Variants in MOB3B observed in about 807,000 individuals in gnomAD.
MOB3B encodes the protein MOB kinase activator-like 2B.
In MOB3B, 7 loss-of-function variants were observed where a neutral mutation model predicts 18.7. That is an observed-to-expected ratio of 0.37 (90% CI 0.21 to 0.70). The LOEUF (loss-of-function observed/expected upper bound fraction) is 0.70, where lower values mean the gene tolerates loss of function less well. MOB3B is among the 30% of genes least tolerant of loss of function. MOB3B has a pLI of 0.52. For synonymous variants in MOB3B, 111 were observed against 99.9 expected (o/e 1.11, Z -0.66); for missense variants, 253 against 281.3 (o/e 0.90, Z 0.72).
intron 1 of MOB3B, among the ~76,000 whole-genome samples, chr9:27,516,645 T>C (rs1587272871): frequency 6.6e-6 from 1 of 152,144 alleles, no homozygotes; most frequent in African/African-American, 2.4e-5. Flanking sequence ...AAAAACTAAT[T>C]ATCCTTATGC....
intron 1 of MOB3B, among the ~76,000 whole-genome samples, chr9:27,499,500 A>C (rs1819955093): frequency 6.6e-6 from 1 of 152,238 alleles, no homozygotes; most frequent in Admixed American, 6.5e-5. Context: ...TCTGTTTTTA[A>C]CAACTGGAAT....
chr9:27,437,707 G>C (rs1822532651), intron 2 of MOB3B, among the ~76,000 whole-genome samples: 1 of 152,220 alleles, frequency 6.6e-6, no homozygotes, highest in Non-Finnish European at 1.5e-5. Flanking sequence ...TTTATGAGCA[G>C]TGAGCTATAC....
chr9:27,348,946 A>G lies in MOB3B; in HGVS notation c.621+10088T>C, dbSNP rs191342096. ...GATGAGCAGGACTTAAGCTGAGGAC[A>G]TGGAAGCCAAAGGAGTTGTACATAC... is the stretch of plus-strand genomic sequence containing the variant. On this transcript the variant is annotated intron_variant, in intron 3 of 3. Transcript: ENST00000262244. 1.5e-3 allele frequency among the ~76,000 whole-genome samples: 232 copies of G among 152,370 alleles called. 1 individual carries two copies. Among genetic ancestry groups the G allele is most frequent in the African/African-American group, 5.4e-3 (225 of 41,588 alleles).
chr9:27,341,657 C>T (rs756427014), intron 3 of MOB3B, among the ~76,000 whole-genome samples: 7 of 152,198 alleles, frequency 4.6e-5, no homozygotes, highest in South Asian at 2.1e-4. Context: ...AATTTGGTCT[C>T]GTGAGAGCCT....
chr9:27,475,852 T>A (rs1414374732), intron 1 of MOB3B, among the ~76,000 whole-genome samples: 3 of 152,184 alleles, frequency 2.0e-5, no homozygotes, highest in Non-Finnish European at 2.9e-5. Context: ...CACCAGATTC[T>A]CTCTCTTTAC....
chr9:27,403,767 T>C (rs1821922796), intron 2 of MOB3B, among the ~76,000 whole-genome samples: 1 of 152,048 alleles, frequency 6.6e-6, no homozygotes, highest in Admixed American at 6.6e-5. Context: ...GTGTGAGCCA[T>C]TATGCCTGGC....
chr9:27,384,432 T>G (rs1438339372), intron 2 of MOB3B, among the ~76,000 whole-genome samples: 4 of 152,150 alleles, frequency 2.6e-5, no homozygotes, highest in Non-Finnish European at 5.9e-5. Context: ...CAGAGCTCAG[T>G]AATTCAAACA....
At chr9:27,483,850 G>A (rs894558836) in intron 1 of MOB3B, among the ~76,000 whole-genome samples, 1 of 152,158 alleles carries the variant, frequency 6.6e-6, no homozygotes, top group East Asian at 1.9e-4. Context: ...ATGGCAGAGG[G>A]TGTGTCACAG....
chr9:27,524,520 G>T (rs778095660), intron 1 of MOB3B: 17 of 1,613,988 alleles, frequency 1.1e-5, no homozygotes, highest in Non-Finnish European at 1.4e-5. Context: ...ATGTCTACGA[G>T]AAAACATAGC....
intron 2 of MOB3B, among the ~76,000 whole-genome samples, chr9:27,359,802 G>A (rs1270254130): frequency 1.3e-5 from 2 of 152,156 alleles, no homozygotes; most frequent in African/African-American, 4.8e-5. Context: ...AAGGGTGAGT[G>A]GTCATCGAAG....
chr9:27,395,052 G>A (rs1438774190), intron 2 of MOB3B, among the ~76,000 whole-genome samples: 4 of 152,158 alleles, frequency 2.6e-5, no homozygotes, highest in African/African-American at 9.7e-5. Context: ...CTTGGCTTAG[G>A]ATAAAAAATT....
intron 1 of MOB3B, among the ~76,000 whole-genome samples, chr9:27,528,060 G>A (rs750503883): frequency 1.3e-5 from 2 of 152,174 alleles, no homozygotes; most frequent in African/African-American, 4.8e-5. Flanking sequence ...TTTCTACAAT[G>A]AAGAAAGGGG....
At chr9:27,524,431 T>C (rs1327291019) in intron 1 of MOB3B, 1 of 1,614,130 alleles carries the variant, frequency 6.2e-7, no homozygotes, top group Non-Finnish European at 8.5e-7. Flanking sequence ...GACTGTAACT[T>C]ACTGAACGTT....
chr9:27,462,270 T>A (rs1819305329), intron 1 of MOB3B, among the ~76,000 whole-genome samples: 1 of 152,194 alleles, frequency 6.6e-6, no homozygotes. Context: ...AGATTTGGTA[T>A]ATTATTTCCA....
At chr9:27,494,874 G>A (rs1024400493) in intron 1 of MOB3B, among the ~76,000 whole-genome samples, 1 of 152,196 alleles carries the variant, frequency 6.6e-6, no homozygotes, top group Non-Finnish European at 1.5e-5. Context: ...TTGTGGTCAT[G>A]TGACAAATTT....
intron 1 of MOB3B, among the ~76,000 whole-genome samples, chr9:27,493,654 T>G (rs1422749476): frequency 1.3e-5 from 2 of 151,934 alleles, no homozygotes; most frequent in Admixed American, 6.6e-5. Context: ...AAAAAAAAAT[T>G]TCATGGACAC....
At position 27,425,323 on chromosome 9, in the gene MOB3B, C is replaced by T. The variant is rs974126791; in HGVS notation, c.418+29810G>A. Among the ~76,000 whole-genome samples the T allele has an allele frequency of 1.5e-4, 23 of 149,526 alleles. No individual in the cohort carries two copies. The Admixed American group carries it at 1.5e-3, about 10-fold the overall frequency. On this transcript the variant is annotated intron_variant, in intron 2 of 3. Transcript: ENST00000262244. ...CCAGGAGGCGGAGGTTGCGGTGAGC[C>T]GAGAGCGCGCCATTGCACTCCAGCC...
At chr9:27,450,736 C>G (rs62541585) in intron 2 of MOB3B, among the ~76,000 whole-genome samples, 3 of 152,180 alleles carry the variant, frequency 2.0e-5, no homozygotes, top group Admixed American at 6.5e-5. Flanking sequence ...AGCTCAGACC[C>G]TGACTCCTAA....
chr9:27,406,714 T>A (rs557179764), intron 2 of MOB3B, among the ~76,000 whole-genome samples: 1 of 152,326 alleles, frequency 6.6e-6, no homozygotes, highest in East Asian at 1.9e-4. Context: ...TCTCTCTCTC[T>A]TTTCATCACA....
Sources: gnomAD v4.1 joint callset for allele counts (sites outside exome capture counted in the v4.1 genomes callset) on GRCh38, gnomAD v4.1.1 for gene constraint, MANE v1.5 for transcripts, NCBI Gene and HGNC (gene_info 2026-07-23, HGNC 2026-07-21) for gene names.